ANO3: variants seen among roughly 807,000 people sequenced by gnomAD.
The protein encoded by ANO3 is anoctamin 3.
ANO3 carries 99 observed loss-of-function variants against 144.8 expected under a neutral mutation model. The observed-to-expected ratio is 0.68, with a 90% confidence interval of 0.58 to 0.81. ANO3 has a LOEUF of 0.81. ANO3 is among the 30% of genes least tolerant of loss of function. ANO3 has a pLI of 0.00. For synonymous variants in ANO3, 414 were observed against 392.6 expected (o/e 1.05, Z -0.64); for missense variants, 905 against 1,202.2 (o/e 0.75, Z 3.66).
intron 1 of ANO3, among the ~76,000 whole-genome samples, chr11:26,335,173 T>C (rs1855160687): frequency 6.6e-6 from 1 of 152,188 alleles, no homozygotes; most frequent in Non-Finnish European, 1.5e-5. Flanking sequence ...TACTTACAGG[T>C]TATGTCATTT....
chr11:26,638,540 A>G (rs987036802), intron 20 of ANO3, among the ~76,000 whole-genome samples: 3 of 152,204 alleles, frequency 2.0e-5, no homozygotes, highest in Non-Finnish European at 4.4e-5. Flanking sequence ...ACCATAGGGT[A>G]TGTGGGGTTG....
intron 1 of ANO3, among the ~76,000 whole-genome samples, chr11:26,222,309 G>A (rs530042264): frequency 3.3e-5 from 5 of 152,342 alleles, no homozygotes; most frequent in African/African-American, 4.8e-5. Flanking sequence ...CTGGTGCAGC[G>A]GGTGGGCTCC....
chr11:26,481,135 T>A (rs545335936), intron 4 of ANO3, among the ~76,000 whole-genome samples: 54 of 151,660 alleles, frequency 3.6e-4, no homozygotes, highest in Non-Finnish European at 7.1e-4. Context: ...TTATTACAGA[T>A]GAAAAAAAAA....
In ANO3 at chr11:26,197,516, G is replaced by GT. The variant is rs955945381; in HGVS notation, c.154+8194dup. Among the ~76,000 whole-genome samples, 60 of 151,050 alleles carry GT rather than the reference G, an allele frequency of 4.0e-4. No individual in the cohort carries two copies. In the South Asian group the frequency reaches 5.5e-3, roughly 14 times the overall value. On this transcript the variant is annotated intron_variant, in intron 1 of 27. Coordinates refer to the ANO3 transcript ENST00000672621. Reference sequence around the variant, plus strand: ...GGCGCATGCCACCATGCCTGGCTAAGTTTTTTTTGTATTTTTAGTAGAGAC... The same window carrying GT: ...GGCGCATGCCACCATGCCTGGCTAAGTTTTTTTTTGTATTTTTAGTAGAGAC...
At chr11:26,304,518 A>C (rs1225680160) in intron 1 of ANO3, among the ~76,000 whole-genome samples, 1 of 152,188 alleles carries the variant, frequency 6.6e-6, no homozygotes, top group Non-Finnish European at 1.5e-5. Flanking sequence ...TAATGTATGT[A>C]TCCCTTCTTA....
upstream of ANO3, among the ~76,000 whole-genome samples, chr11:26,309,322 T>A (rs1353889482): frequency 6.6e-6 from 1 of 152,122 alleles, no homozygotes; most frequent in African/African-American, 2.4e-5. Flanking sequence ...GGGTGCAGAA[T>A]ATTAGAAGAG....
At chr11:26,324,247 G>T (rs566683354) in intron 1 of ANO3, among the ~76,000 whole-genome samples, 5 of 152,210 alleles carry the variant, frequency 3.3e-5, no homozygotes, top group Admixed American at 2.6e-4. Context: ...CATATTTTTG[G>T]ATATCTAAAT....
At chr11:26,455,960 A>G (rs1859140112) in intron 3 of ANO3, among the ~76,000 whole-genome samples, 1 of 151,768 alleles carries the variant, frequency 6.6e-6, no homozygotes, top group Admixed American at 6.6e-5. Flanking sequence ...CCTGAGAAAA[A>G]CAAGCAATGG....
intron 26 of ANO3, among the ~76,000 whole-genome samples, chr11:26,657,542 C>A (rs999720056): frequency 3.3e-5 from 5 of 152,114 alleles, no homozygotes; most frequent in Non-Finnish European, 1.5e-5. Context: ...CATCATTGAT[C>A]CATGTAATTT....
chr11:26,527,126 T>C (rs945467404), intron 7 of ANO3, among the ~76,000 whole-genome samples: 6 of 152,112 alleles, frequency 3.9e-5, no homozygotes. Context: ...TATATTAAAA[T>C]TGGAACAAAT....
At chr11:26,269,767 C>T (rs777187286) in intron 1 of ANO3, among the ~76,000 whole-genome samples, 2 of 152,184 alleles carry the variant, frequency 1.3e-5, no homozygotes, top group Non-Finnish European at 2.9e-5. Flanking sequence ...GCTACCTTTT[C>T]GGGTTTGACA....
intron 17 of ANO3, among the ~76,000 whole-genome samples, chr11:26,603,786 T>A (rs1851863118): frequency 6.6e-6 from 1 of 152,156 alleles, no homozygotes; most frequent in African/African-American, 2.4e-5. Flanking sequence ...ATTTTGCTTA[T>A]AGGGATTTGT....
At chr11:26,385,782 T>G (rs1176339182) in intron 1 of ANO3, among the ~76,000 whole-genome samples, 2 of 145,678 alleles carry the variant, frequency 1.4e-5, no homozygotes, top group Admixed American at 6.8e-5. Flanking sequence ...TAATAGGAAC[T>G]GGAAACATCA....
At chr11:26,200,582 A>T (rs1278211224) in intron 1 of ANO3, among the ~76,000 whole-genome samples, 1 of 152,142 alleles carries the variant, frequency 6.6e-6, no homozygotes, top group Non-Finnish European at 1.5e-5. Flanking sequence ...TATGTGTACT[A>T]TTTTAACTGA....
At chr11:26,350,782 T>A (rs1467739434) in intron 1 of ANO3, among the ~76,000 whole-genome samples, 2 of 152,170 alleles carry the variant, frequency 1.3e-5, no homozygotes, top group African/African-American at 4.8e-5. Context: ...TAGGAATAAT[T>A]TTTTTCTCAA....
intron 14 of ANO3, among the ~76,000 whole-genome samples, chr11:26,568,404 G>C (rs577664942): frequency 1.2e-4 from 18 of 151,408 alleles, no homozygotes; most frequent in Admixed American, 1.1e-3. Flanking sequence ...ATTCATGTTT[G>C]TAACATAAGT....
At chr11:26,434,083 C>T (rs1858210109) in intron 1 of ANO3, among the ~76,000 whole-genome samples, 1 of 151,920 alleles carries the variant, frequency 6.6e-6, no homozygotes, top group Admixed American at 6.6e-5. Context: ...TTGGTCTGTT[C>T]AGGAAATCAG....
At chr11:26,478,775 T>C (rs1378821463) in intron 4 of ANO3, among the ~76,000 whole-genome samples, 1 of 151,994 alleles carries the variant, frequency 6.6e-6, no homozygotes, top group African/African-American at 2.4e-5. Context: ...ACCAGGCAAC[T>C]AGCTGATTGG....
At chr11:26,518,592 CAT>C (rs926162585) in intron 6 of ANO3, among the ~76,000 whole-genome samples, 1 of 151,714 alleles carries the variant, frequency 6.6e-6, no homozygotes, top group African/African-American at 2.4e-5. Context: ...ATAGTTGAAA[CAT>C]GTATAAAAAT....
Sources: allele counts gnomAD v4.1 joint callset (sites outside exome capture counted in the v4.1 genomes callset), GRCh38; gene constraint gnomAD v4.1.1; transcripts MANE v1.5; gene names NCBI Gene and HGNC (gene_info 2026-07-23, HGNC 2026-07-21).